Variants in PKNOX2 observed in about 807,000 individuals in gnomAD.
PKNOX2 encodes PBX/knotted 1 homeobox 2.
PKNOX2 carries 14 observed loss-of-function variants against 53.1 expected under a neutral mutation model. The observed-to-expected ratio is 0.26, with a 90% confidence interval of 0.17 to 0.41. PKNOX2 has a LOEUF of 0.41. Among genes scored for constraint, PKNOX2 ranks in the 10% least tolerant of loss-of-function variants. The pLI, the probability that PKNOX2 is intolerant of heterozygous loss-of-function variation, is 1.00. For synonymous variants in PKNOX2, 257 were observed against 242.8 expected (o/e 1.06, Z -0.54); for missense variants, 496 against 602.8 (o/e 0.82, Z 1.85).
At chr11:125,164,934 A>AGGGAGAGAGGGAGGCAGCAGGG (rs1954736466) in intron 1 of PKNOX2, among the ~76,000 whole-genome samples, 158 bp downstream of exon 1, 1 of 151,248 alleles carries the variant, frequency 6.6e-6, no homozygotes, top group South Asian at 2.1e-4. Flanking sequence ...AGGAGGAGAG[A>AGGGAGAGAGGGAGGCAGCAGGG]GGGAGAGAGG....
intron 1 of PKNOX2, among the ~76,000 whole-genome samples, chr11:125,201,489 A>G (rs1289078365): frequency 6.6e-6 from 1 of 152,156 alleles, no homozygotes; most frequent in Non-Finnish European, 1.5e-5. Context: ...CCCTGGAGAG[A>G]GAGTCAAGGC....
chr11:125,403,394 A>G (rs1207316494), intron 7 of PKNOX2, among the ~76,000 whole-genome samples: 1 of 152,152 alleles, frequency 6.6e-6, no homozygotes, highest in African/African-American at 2.4e-5. Flanking sequence ...CACATCTTGT[A>G]TTGGTCCAAG....
chr11:125,173,300 G>T (rs897360411), intron 1 of PKNOX2, among the ~76,000 whole-genome samples: 19 of 152,186 alleles, frequency 1.2e-4, no homozygotes, highest in African/African-American at 4.1e-4. Context: ...GGTAAAATGG[G>T]CATTGTATCA....
intron 7 of PKNOX2, among the ~76,000 whole-genome samples, chr11:125,408,394 C>T (rs990133508): frequency 2.6e-5 from 4 of 152,238 alleles, no homozygotes; most frequent in African/African-American, 4.8e-5. Context: ...GCAAGAGCTG[C>T]CCCCTCTGTT....
chr11:125,385,904 G>GA (rs1346168036), intron 6 of PKNOX2, among the ~76,000 whole-genome samples, 182 bp downstream of exon 6: 6 of 152,162 alleles, frequency 3.9e-5, no homozygotes, highest in Non-Finnish European at 8.8e-5. Flanking sequence ...CTTAAACCAA[G>GA]AGTTCCATGC....
chr11:125,294,309 C>G (rs984712911), intron 2 of PKNOX2, among the ~76,000 whole-genome samples: 3 of 152,146 alleles, frequency 2.0e-5, no homozygotes, highest in African/African-American at 4.8e-5. Flanking sequence ...TAAGCCCCCC[C>G]ATCTTATGGA....
intron 2 of PKNOX2, among the ~76,000 whole-genome samples, chr11:125,275,610 T>C (rs1946102211): frequency 6.6e-6 from 1 of 152,088 alleles, no homozygotes; most frequent in Non-Finnish European, 1.5e-5. Context: ...GGGAGTCAGG[T>C]TGTTGAGGAC....
chr11:125,189,459 A>G (rs1265917357), intron 1 of PKNOX2, among the ~76,000 whole-genome samples: 40 of 95,620 alleles, frequency 4.2e-4, no homozygotes, highest in African/African-American at 1.5e-3. Context: ...ATATATATAT[A>G]TATATATATA....
chr11:125,295,686 C>T (rs1055723850), intron 2 of PKNOX2, among the ~76,000 whole-genome samples: 1 of 152,194 alleles, frequency 6.6e-6, no homozygotes, highest in African/African-American at 2.4e-5. Flanking sequence ...AGGCCTGAGA[C>T]AGGGTCACTG....
chr11:125,429,895 C>A, intron 11 of PKNOX2, 68 bp from the exon 12 acceptor site: 1 of 1,489,230 alleles, frequency 6.7e-7, no homozygotes, highest in Non-Finnish European at 9.0e-7. Flanking sequence ...GCAGCTTCAC[C>A]CTCCCTGCCC....
chr11:125,364,781 C>G (rs746792893), intron 4 of PKNOX2, among the ~76,000 whole-genome samples: 1 of 152,224 alleles, frequency 6.6e-6, no homozygotes, highest in South Asian at 2.1e-4. Context: ...ATTCGAGCCT[C>G]ACACCAGCGC....
chr11:125,249,414 C>T (rs919114896), intron 2 of PKNOX2, among the ~76,000 whole-genome samples: 1 of 152,140 alleles, frequency 6.6e-6, no homozygotes, highest in African/African-American at 2.4e-5. Flanking sequence ...TCCACGAATT[C>T]AATCAACAGC....
chr11:125,193,681 G>T (rs1250588573), intron 1 of PKNOX2, among the ~76,000 whole-genome samples: 2 of 152,178 alleles, frequency 1.3e-5, no homozygotes, highest in Non-Finnish European at 2.9e-5. Flanking sequence ...GTGCAGAGAG[G>T]GGCATTGACC....
chr11:125,427,271 G>A (rs1341945228), intron 10 of PKNOX2, among the ~76,000 whole-genome samples: 2 of 152,208 alleles, frequency 1.3e-5, no homozygotes, highest in Non-Finnish European at 2.9e-5. Flanking sequence ...ATTGGCTCCT[G>A]TAATGCTGAT....
chr11:125,322,129 G>T (rs903441953), intron 2 of PKNOX2, among the ~76,000 whole-genome samples: 12 of 152,148 alleles, frequency 7.9e-5, no homozygotes, highest in Non-Finnish European at 1.5e-4. Context: ...GTCCTTGAAG[G>T]AGAGTCATAG....
In PKNOX2 at chr11:125,385,647, C is replaced by T; in HGVS notation, c.324C>T (p.Asp108=). 6.2e-7 allele frequency: 1 copy of T among 1,614,134 alleles called. No homozygotes were observed. The highest frequency in any genetic ancestry group is 8.5e-7 in the Non-Finnish European group (1 of 1,180,020). ...ECITSASFDV[D]IENFVHQQEQ... is the part of the protein sequence containing the mutation. ...TCACCTCCGCCAGCTTTGATGTGGA[C>T]ATCGAGAACTTTGTCCACCAGCAGG... Residue 108 remains aspartate, a synonymous_variant, in exon 6 of 13, where the codon GAC becomes GAT. Transcript: ENST00000298282.
chr11:125,412,191 C>T (rs549354838), intron 10 of PKNOX2, among the ~76,000 whole-genome samples: 1 of 152,284 alleles, frequency 6.6e-6, no homozygotes, highest in African/African-American at 2.4e-5. Flanking sequence ...AGGGTCACTG[C>T]GGGGAGTGGG....
In PKNOX2 at chr11:125,352,164, C is replaced by T. The variant is rs1353938674; in HGVS notation, c.87+772C>T. Among the ~76,000 whole-genome samples, 1 of 152,110 alleles carries T rather than the reference C, an allele frequency of 6.6e-6. No homozygotes were observed. Among genetic ancestry groups the T allele is most frequent in the Admixed American group, 6.5e-5 (1 of 15,280 alleles). ...ACCAGCCGCTTTTCCTTTTTGCTTCCCCCAGGTGCTCCTCTTGTCCACCCT... is the reference window on the plus strand; with the variant it reads ...ACCAGCCGCTTTTCCTTTTTGCTTCTCCCAGGTGCTCCTCTTGTCCACCCT... On this transcript the variant is annotated intron_variant, in intron 4 of 12. Transcript: ENST00000298282. The surrounding 1 kb of genome is among the most constrained non-coding windows in gnomAD (Gnocchi z 4.1).
intron 1 of PKNOX2, among the ~76,000 whole-genome samples, chr11:125,225,626 C>CT (rs1941618341): frequency 6.6e-6 from 1 of 152,194 alleles, no homozygotes; most frequent in African/African-American, 2.4e-5. Context: ...AATGTCCCCT[C>CT]TGGCCTGGCG....
Sources: allele counts gnomAD v4.1 joint callset (sites outside exome capture counted in the v4.1 genomes callset), GRCh38; gene constraint gnomAD v4.1.1; non-coding constraint Gnocchi (gnomAD v3.1); transcripts MANE v1.5; gene names NCBI Gene and HGNC (gene_info 2026-07-23, HGNC 2026-07-21).